Variants in STXBP3 observed in about 807,000 individuals in gnomAD.
The protein encoded by STXBP3 is syntaxin-binding protein 3.
STXBP3 carries 41 observed loss-of-function variants against 85.7 expected under a neutral mutation model. The ratio of observed to expected loss-of-function variants is 0.48; its 90% confidence interval spans 0.37 to 0.62. The LOEUF is 0.62. STXBP3 is among the 20% of genes least tolerant of loss of function. STXBP3 has a pLI of 0.00. For missense variants in STXBP3, 563 were observed against 703.1 expected, an observed-to-expected ratio of 0.80 and a Z score of 2.25; for synonymous variants, 229 against 231.7, an observed-to-expected ratio of 0.99 and a Z score of 0.10.
chr1:108,785,091 A>G (rs1662797357), intron 11 of STXBP3, among the ~76,000 whole-genome samples: 1 of 152,118 alleles, frequency 6.6e-6, no homozygotes. Context: ...TGGTGGATCT[A>G]CTATTCTGGG....
At chr1:108,799,252 A>C (rs1663179864) in intron 16 of STXBP3, among the ~76,000 whole-genome samples, 1 of 152,180 alleles carries the variant, frequency 6.6e-6, no homozygotes, top group African/African-American at 2.4e-5. Context: ...AATCTAAAGA[A>C]TTTAGACTTT....
At position 108,771,790 on chromosome 1, in the gene STXBP3, C is replaced by A. The variant is rs1444204879; in HGVS notation, c.439-875C>A. On this transcript the variant is annotated intron_variant, in intron 6 of 18. Transcript: ENST00000370008. ...TATATCATATATAAATATATGATAT[C>A]TATCTATATATATCATATATAAATA... Among the ~76,000 whole-genome samples, 22 of 32,886 alleles carry A rather than the reference C, an allele frequency of 6.7e-4. 3 individuals are homozygous for A. Among genetic ancestry groups the A allele is most frequent in the East Asian group, 3.9e-3 (12 of 3,040 alleles). 21.6% of individuals were successfully genotyped at this position (32,886 alleles called of 152,430 possible). A position where few individuals can be genotyped will look rare whatever the true frequency, so the allele number is the denominator to read the frequency against.
chr1:108,765,517 A>C (rs1364750529), intron 6 of STXBP3, among the ~76,000 whole-genome samples: 1 of 151,972 alleles, frequency 6.6e-6, no homozygotes, highest in Non-Finnish European at 1.5e-5. Flanking sequence ...ACAAAGCTAC[A>C]AGCTCACTGT....
In STXBP3 at chr1:108,746,678, C is replaced by T. The variant is rs1661784574; in HGVS notation, c.-60C>T. 2.6e-6 allele frequency: 4 copies of T among 1,542,912 alleles called. No homozygotes were observed. In the Admixed American group the frequency reaches 5.9e-5, roughly 23 times the overall value. ...GGGCGGGGCCACCCCAACGCCGCTT[C>T]TGCGGCCAAAGTAGGTTGGGAGTGG... On this transcript the variant is annotated 5_prime_UTR_variant, in exon 1 of 19. Coordinates refer to ENST00000370008, the MANE Select transcript of STXBP3 (RefSeq NM_007269.4).
At chr1:108,749,243 C>G (rs766782299) in intron 1 of STXBP3, among the ~76,000 whole-genome samples, 1 of 152,144 alleles carries the variant, frequency 6.6e-6, no homozygotes, top group Non-Finnish European at 1.5e-5. Context: ...AAGACAATGA[C>G]TAAGAAAATG....
chr1:108,756,613 G>A lies in STXBP3; in HGVS notation c.182-77G>A, dbSNP rs1330779026. Reference sequence around the variant, plus strand: ...ATTTTCATATTATTATAAATGGAAAGTACAGTAAAGTTTATTTAAAAATTA... The same window carrying A: ...ATTTTCATATTATTATAAATGGAAAATACAGTAAAGTTTATTTAAAAATTA... On this transcript the variant is annotated intron_variant, in intron 3 of 18. Transcript: ENST00000370008. 3.1e-5 allele frequency: 23 copies of A among 746,616 alleles called. No homozygotes were observed. The East Asian group carries it at 4.9e-4, about 16-fold the overall frequency. The allele number at this position is 746,616 out of a possible 1,614,324, so 46.2% of individuals were successfully genotyped here.
At chr1:108,785,774 G>A (rs531877233) in intron 11 of STXBP3, among the ~76,000 whole-genome samples, 2 of 152,208 alleles carry the variant, frequency 1.3e-5, no homozygotes, top group South Asian at 4.2e-4. Flanking sequence ...TGAGATCAAA[G>A]TTCCCCAGAT....
In STXBP3 at chr1:108,746,718, T is replaced by G. The variant is rs770909882; in HGVS notation, c.-20T>G. 2.6e-5 allele frequency: 41 copies of G among 1,548,460 alleles called. No homozygotes were observed. The highest frequency in any genetic ancestry group is 1.9e-4 in the Middle Eastern group (1 of 5,386). The stretch of plus-strand genomic sequence containing the variant: ...GTTGGGAGTGGAAGGTGGTGGCTGC[T>G]GCTCCGCAGTGTCGGGAAGATGGCG... On this transcript the variant is annotated 5_prime_UTR_variant, in exon 1 of 19. Coordinates refer to ENST00000370008, the MANE Select transcript of STXBP3 (RefSeq NM_007269.4).
chr1:108,783,253 A>G (rs1662754020), intron 11 of STXBP3, among the ~76,000 whole-genome samples: 1 of 152,214 alleles, frequency 6.6e-6, no homozygotes, highest in South Asian at 2.1e-4. Context: ...GATATAATTT[A>G]TAAGTAAAGC....
chr1:108,759,745 A>G (rs1662095038), intron 5 of STXBP3, among the ~76,000 whole-genome samples: 1 of 152,168 alleles, frequency 6.6e-6, no homozygotes. Flanking sequence ...GCAGATCTTT[A>G]AGGAAATACA....
At chr1:108,782,749 T>C in intron 11 of STXBP3, 43 bp downstream of exon 11, 13 of 1,456,876 alleles carry the variant, frequency 8.9e-6, no homozygotes, top group Non-Finnish European at 1.2e-5. Context: ...TGAAGGTGAA[T>C]TTTAAAGTTT....
intron 3 of STXBP3, among the ~76,000 whole-genome samples, chr1:108,755,224 TC>T (rs1391552956): frequency 6.6e-6 from 1 of 152,068 alleles, no homozygotes; most frequent in Non-Finnish European, 1.5e-5. Context: ...GGCAGGAAGA[TC>T]ACTTGAACTC....
chr1:108,780,879 A>G (rs12132545), intron 9 of STXBP3: 67,471 of 149,686 alleles, frequency 0.45, 15,559 homozygotes, highest in Middle Eastern at 0.52. Context: ...AATGATTCCC[A>G]GCCTCAGCCT....
chr1:108,774,803 T>TA (rs1195500106), intron 7 of STXBP3, among the ~76,000 whole-genome samples: 1 of 152,026 alleles, frequency 6.6e-6, no homozygotes, highest in African/African-American at 2.4e-5. Flanking sequence ...TCAGTGGAGC[T>TA]AAGTGGTTTG....
chr1:108,783,473 G>T (rs917045169), intron 11 of STXBP3, among the ~76,000 whole-genome samples: 3 of 152,112 alleles, frequency 2.0e-5, no homozygotes, highest in African/African-American at 4.8e-5. Context: ...AGATTCACCT[G>T]TGTTACGTAT....
At chr1:108,764,555 A>G (rs776950083) in intron 6 of STXBP3, among the ~76,000 whole-genome samples, 10 of 152,182 alleles carry the variant, frequency 6.6e-5, no homozygotes, top group African/African-American at 9.7e-5. Context: ...CCTCACCAGC[A>G]TATGTTATTT....
rs768952539 is a variant in STXBP3 at position 108,772,750 on chromosome 1, A to C, written c.524A>C (p.Glu175Ala). Residue 175 changes from glutamate to alanine, a missense_variant, in exon 7 of 19, where the codon GAA becomes GCA. Glu to Ala is a moderately radical substitution (Grantham distance 107, BLOSUM62 -1). This residue lies in a region of STXBP3 where 494 missense variants were observed against 592.8 expected (regional missense o/e 0.83). Transcript: ENST00000370008. ...GCAAAGGGAAAAGATGCCATTATGG[A>C]AACAATGGCTGACCAGATAGTTACA... is the stretch of plus-strand genomic sequence containing the variant. ...GNAKGKDAIM[E>A]TMADQIVTVC... The C allele has an allele frequency of 1.2e-6, 2 of 1,606,226 alleles. No individual in the cohort carries two copies. The highest frequency in any genetic ancestry group is 1.7e-6 in the Non-Finnish European group (2 of 1,176,038).
intron 8 of STXBP3, among the ~76,000 whole-genome samples, 177 bp downstream of exon 8, chr1:108,776,600 G>A (rs886854575): frequency 2.0e-5 from 3 of 152,062 alleles, no homozygotes; most frequent in African/African-American, 7.2e-5. Flanking sequence ...TAGATGGTAT[G>A]GTTTAGAGGG....
Position 108,758,456 on chromosome 1 carries a change from CAT to C in STXBP3, c.259-51_259-50del, listed in dbSNP as rs927435097. Reference sequence around the variant, plus strand: ...TAATCTTAGTCATTTCAAAAGGTAACATATTTAAATTAATATTTAATAAAATG... The same window carrying C: ...TAATCTTAGTCATTTCAAAAGGTAACATTTAAATTAATATTTAATAAAATG... On this transcript the variant is annotated intron_variant, in intron 4 of 18. Coordinates refer to ENST00000370008, the MANE Select transcript of STXBP3 (RefSeq NM_007269.4). 100 of 883,598 alleles carry C rather than the reference CAT, an allele frequency of 1.1e-4. No homozygotes were observed. In the Admixed American group the frequency reaches 1.4e-3, roughly 12 times the overall value. 54.7% of individuals were successfully genotyped at this position (883,598 alleles called of 1,614,324 possible).
Sources: allele counts gnomAD v4.1 joint callset (sites outside exome capture counted in the v4.1 genomes callset), GRCh38; gene constraint gnomAD v4.1.1; regional missense constraint gnomAD v4.1.1; transcripts MANE v1.5; gene names NCBI Gene and HGNC (gene_info 2026-07-23, HGNC 2026-07-21).